The following BDP1 variants were observed in gnomAD, a reference collection of about 807,000 sequenced individuals.
BDP1 encodes BDP1 general transcription factor IIIB subunit.
A neutral mutation model predicts 266.6 loss-of-function variants in BDP1; 169 were observed. That is an observed-to-expected ratio of 0.63 (90% CI 0.56 to 0.72). BDP1 has a LOEUF of 0.72. BDP1 is among the 30% of genes least tolerant of loss of function. The pLI, the probability that BDP1 is intolerant of heterozygous loss-of-function variation, is 0.00. For missense variants in BDP1, 3,015 were observed against 3,053.8 expected (o/e 0.99, Z 0.30); for synonymous variants, 1,090 against 1,022.4 (o/e 1.07, Z -1.26).
chr5:71,526,877 G>T (rs1465074900), intron 25 of BDP1, among the ~76,000 whole-genome samples: 1 of 151,684 alleles, frequency 6.6e-6, no homozygotes, highest in East Asian at 2.0e-4. Flanking sequence ...GTAGAGGCAG[G>T]GTTTTACCAT....
Position 71,549,533 on chromosome 5 carries a change from T to C in BDP1, c.6922T>C (p.Phe2308Leu). ...VEEFTDATAQFMPNPLLPAPI... is the reference protein window; with the variant it reads ...VEEFTDATAQLMPNPLLPAPI... ...AGAATTTACTGATGCCACTGCACAG[T>C]TCATGCCAAACCCTTTACTGCCAGC... Residue 2308 changes from phenylalanine to leucine, a missense_variant, in exon 34 of 39, where the codon TTC (phenylalanine) becomes CTC (leucine). Coordinates refer to ENST00000358731, the MANE Select transcript of BDP1 (RefSeq NM_018429.3). 6.2e-7 allele frequency: 1 copy of C among 1,614,086 alleles called. No individual in the cohort carries two copies. The highest frequency in any genetic ancestry group is 1.3e-5 in the African/African-American group (1 of 75,070).
At chr5:71,486,265 T>C (rs1763253220) in intron 8 of BDP1, among the ~76,000 whole-genome samples, 1 of 152,194 alleles carries the variant, frequency 6.6e-6, no homozygotes, top group African/African-American at 2.4e-5. Flanking sequence ...TAAACTAGTT[T>C]ATTTGTTTCG....
intron 25 of BDP1, among the ~76,000 whole-genome samples, chr5:71,526,083 C>T (rs1187055420): frequency 6.6e-6 from 1 of 152,186 alleles, no homozygotes; most frequent in East Asian, 1.9e-4. Flanking sequence ...GGGGCCAAGG[C>T]AGGCAGCTGG....
At chr5:71,539,277 T>C (rs900506477) in intron 27 of BDP1, among the ~76,000 whole-genome samples, 199 bp downstream of exon 27, 1 of 152,218 alleles carries the variant, frequency 6.6e-6, no homozygotes, top group Non-Finnish European at 1.5e-5. Context: ...TTAAGAAGTA[T>C]TTGAGCATTT....
At chr5:71,573,950 G>A in the BDP1 span, among the ~76,000 whole-genome samples, 309 of 152,296 alleles carry the variant, frequency 2.0e-3, no homozygotes, top group African/African-American at 6.6e-3. Context: ...TCCTCATACC[G>A]TGGCTGCAGA....
chr5:71,542,379 C>G, intron 30 of BDP1, 114 bp downstream of exon 30: 1 of 981,200 alleles, frequency 1.0e-6, no homozygotes, highest in Non-Finnish European at 1.5e-6. Context: ...AAAATAGTTT[C>G]AAATTAAAAA....
chr5:71,524,466 T>G, intron 25 of BDP1, 143 bp downstream of exon 25: 1 of 943,716 alleles, frequency 1.1e-6, no homozygotes, highest in Non-Finnish European at 1.5e-6. Flanking sequence ...CAAATATAAT[T>G]TGGGGCCTTG....
At position 71,565,857 on chromosome 5, in the gene BDP1, T is replaced by C. The variant is rs1743999548; in HGVS notation, c.*972T>C. The C allele has an allele frequency of 6.5e-6, 1 of 153,064 alleles. No individual in the cohort carries two copies. Among genetic ancestry groups the C allele is most frequent in the African/African-American group, 2.4e-5 (1 of 41,470 alleles). 9.5% of individuals were successfully genotyped at this position (153,064 alleles called of 1,614,324 possible). A position where few individuals can be genotyped will look rare whatever the true frequency, so the allele number is the denominator to read the frequency against. On this transcript the variant is annotated 3_prime_UTR_variant, in exon 39 of 39. Transcript: ENST00000358731. Reference sequence around the variant, plus strand: ...CATGGTGATGTAACATTAGTCCTAATTGAAAAACTAGTATTTAAACATAAT... The same window carrying C: ...CATGGTGATGTAACATTAGTCCTAACTGAAAAACTAGTATTTAAACATAAT...
intron 7 of BDP1, chr5:71,475,742 C>G (rs1762539627): frequency 6.5e-6 from 1 of 154,798 alleles, no homozygotes; most frequent in Admixed American, 6.5e-5. Context: ...CAAAAGTAGC[C>G]AAAGGGAGTT....
rs544655728 is a variant in BDP1, at chr5:71,467,622, C to T, written c.919+135C>T. ...ATTCCAGCTAATTTTATTGACACCT[C>T]TATCTTATGCCCTCCATGGAATGGT... On this transcript the variant is annotated intron_variant, in intron 6 of 38. Transcript: ENST00000358731. The T allele has an allele frequency of 1.4e-4, 103 of 713,792 alleles. No individual in the cohort carries two copies. The African/African-American group carries it at 1.5e-3, about 10-fold the overall frequency. The allele number at this position is 713,792 out of a possible 1,614,324, so 44.2% of individuals were successfully genotyped here.
At chr5:71,577,056 C>A in the BDP1 span, among the ~76,000 whole-genome samples, 4 of 152,170 alleles carry the variant, frequency 2.6e-5, no homozygotes, top group Non-Finnish European at 1.5e-5. Flanking sequence ...GTAAACAATA[C>A]CCAATTGACC....
chr5:71,564,577 A>G (rs952043240), intron 38 of BDP1, among the ~76,000 whole-genome samples, 177 bp from the exon 39 acceptor site: 4 of 152,298 alleles, frequency 2.6e-5, no homozygotes, highest in African/African-American at 9.6e-5. Context: ...TTAATGTAAC[A>G]GCATAGAAGT....
At chr5:71,464,782 G>A (rs563406186) in intron 4 of BDP1, among the ~76,000 whole-genome samples, 3 of 142,134 alleles carry the variant, frequency 2.1e-5, no homozygotes, top group African/African-American at 7.7e-5. Flanking sequence ...GCAGTGGTGC[G>A]ATCTCGGCTC....
chr5:71,482,329 G>C (rs1259250337), intron 7 of BDP1, among the ~76,000 whole-genome samples: 3 of 152,322 alleles, frequency 2.0e-5, no homozygotes, highest in African/African-American at 7.2e-5. Context: ...AGCCCAGGCA[G>C]AGAGCCAAGG....
chr5:71,543,431 T>G (rs762639657), intron 30 of BDP1, among the ~76,000 whole-genome samples: 1 of 152,142 alleles, frequency 6.6e-6, no homozygotes, highest in Non-Finnish European at 1.5e-5. Flanking sequence ...ACCTTGTCTC[T>G]ACAAAATAAT....
Position 71,532,455 on chromosome 5 carries a change from C to G in BDP1, c.5892+28C>G, listed in dbSNP as rs745757547. The G allele has an allele frequency of 1.9e-6, 3 of 1,601,588 alleles. No individual in the cohort carries two copies. In the South Asian group the frequency reaches 3.4e-5, roughly 18 times the overall value. ...AAGCATCCATTTTAATATGTTTTGG[C>G]CTTTTATTCTTTGTTTACTTTGAAA... is the stretch of plus-strand genomic sequence containing the variant. On this transcript the variant is annotated intron_variant, in intron 26 of 38. Transcript: ENST00000358731.
intron 30 of BDP1, 23 bp from the exon 31 acceptor site, chr5:71,544,334 C>T (rs757409394): frequency 1.1e-5 from 17 of 1,601,760 alleles, no homozygotes; most frequent in South Asian, 2.3e-5. Context: ...TGGTCTATAT[C>T]GTAAGTGTGC....
intron 22 of BDP1, among the ~76,000 whole-genome samples, chr5:71,518,167 C>T (rs915961380): frequency 6.6e-6 from 1 of 152,070 alleles, no homozygotes; most frequent in African/African-American, 2.4e-5. Context: ...AACGCCTTTC[C>T]TTTCTGTATA....
intron 32 of BDP1, among the ~76,000 whole-genome samples, chr5:71,548,101 G>A (rs1344675981): frequency 6.6e-6 from 1 of 152,002 alleles, no homozygotes; most frequent in Non-Finnish European, 1.5e-5. Context: ...TGGGCAACAT[G>A]GCAAAACCCC....
Sources: gnomAD v4.1 joint callset for allele counts (sites outside exome capture counted in the v4.1 genomes callset) on GRCh38, gnomAD v4.1.1 for gene constraint, MANE v1.5 for transcripts, NCBI Gene and HGNC (gene_info 2026-07-23, HGNC 2026-07-21) for gene names.